KCNJ15: variants seen among roughly 807,000 people sequenced by gnomAD.
KCNJ15 encodes ATP-sensitive inward rectifier potassium channel 15.
A neutral mutation model predicts 23.0 loss-of-function variants in KCNJ15; 14 were observed. The ratio of observed to expected loss-of-function variants is 0.61; its 90% CI spans 0.40 to 0.95. The LOEUF is 0.95. KCNJ15 is among the 40% of genes least tolerant of loss of function. KCNJ15 has a pLI of 0.00. For synonymous variants in KCNJ15, 185 were observed against 183.2 expected, an observed-to-expected ratio of 1.01 and a Z score of -0.08; for missense variants, 388 against 461.8, an observed-to-expected ratio of 0.84 and a Z score of 1.46.
chr21:38,242,684 T>C, intron 1 of KCNJ15, among the ~76,000 whole-genome samples: 1 of 152,120 alleles, frequency 6.6e-6, no homozygotes, highest in African/African-American at 2.4e-5. Context: ...CTGTGCAACT[T>C]CTTGGCTGAC....
intron 1 of KCNJ15, among the ~76,000 whole-genome samples, chr21:38,279,810 G>A (rs552894511): frequency 4.6e-5 from 7 of 152,256 alleles, no homozygotes; most frequent in East Asian, 1.9e-4. Context: ...CAAGCATTTT[G>A]ATCTCTTTAA....
intron 1 of KCNJ15, among the ~76,000 whole-genome samples, chr21:38,251,511 A>G (rs1979831244): frequency 6.6e-6 from 1 of 152,218 alleles, no homozygotes; most frequent in East Asian, 1.9e-4. Flanking sequence ...GAGCCCCTAT[A>G]GAGAGAGGCG....
At chr21:38,260,690 C>T (rs190170045) in intron 1 of KCNJ15, among the ~76,000 whole-genome samples, 164 of 152,280 alleles carry the variant, frequency 1.1e-3, no homozygotes, top group African/African-American at 3.5e-3. Flanking sequence ...GTACAAAACA[C>T]GCATGTGCCA....
At chr21:38,242,629 C>T (rs1013376938) in intron 1 of KCNJ15, among the ~76,000 whole-genome samples, 7 of 152,156 alleles carry the variant, frequency 4.6e-5, no homozygotes, top group African/African-American at 1.2e-4. Flanking sequence ...TCCTGACACA[C>T]GCCCAGCATC....
intron 1 of KCNJ15, among the ~76,000 whole-genome samples, chr21:38,273,468 T>C (rs998494805): frequency 6.6e-6 from 1 of 152,240 alleles, no homozygotes; most frequent in East Asian, 1.9e-4. Context: ...GTTCAGAAAG[T>C]CATTTTCCAA....
At chr21:38,251,178 A>G (rs913637744) in intron 1 of KCNJ15, among the ~76,000 whole-genome samples, 2 of 152,108 alleles carry the variant, frequency 1.3e-5, no homozygotes, top group African/African-American at 4.8e-5. Context: ...TTGCTTTTCT[A>G]TTTGCCAGCC....
In KCNJ15 at chr21:38,300,166, C is replaced by T. The variant is rs1985630672; in HGVS notation, c.905C>T (p.Pro302Leu). The T allele has an allele frequency of 6.2e-7, 1 of 1,614,156 alleles. No individual in the cohort carries two copies. Among genetic ancestry groups the T allele is most frequent in the Non-Finnish European group, 8.5e-7 (1 of 1,180,026 alleles). Residue 302 changes from proline to leucine, a missense_variant, in exon 3 of 3, where the codon CCA (proline) becomes CTA (leucine). Pro to Leu is a moderately conservative substitution (Grantham distance 98, BLOSUM62 -3). Coordinates refer to ENST00000398938, the MANE Select transcript of KCNJ15 (RefSeq NM_170736.3). Reference protein sequence around the residue: ...AVCQSRTSYIPEEIYWGFEFV... With the variant: ...AVCQSRTSYILEEIYWGFEFV... ...TGCCAGAGCCGAACATCTTATATCC[C>T]AGAGGAAATCTACTGGGGTTTTGAG...
intron 1 of KCNJ15, among the ~76,000 whole-genome samples, chr21:38,245,125 G>T (rs1043387814): frequency 6.6e-6 from 1 of 151,926 alleles, no homozygotes; most frequent in African/African-American, 2.4e-5. Flanking sequence ...ACAGAAGGAA[G>T]TCAGAGAGAG....
At position 38,304,635 on chromosome 21, in the gene KCNJ15, C is replaced by G. The variant is rs1022533561; in HGVS notation, c.*4246C>G. On this transcript the variant is annotated 3_prime_UTR_variant, in exon 3 of 3. Coordinates refer to ENST00000398938, the MANE Select transcript of KCNJ15 (RefSeq NM_170736.3). ...ACTTCTAAATGGTTAACTGCATACA[C>G]TTTACCCTTTGTAAACTTCAATTTA... The G allele has an allele frequency of 1.9e-4, 26 of 136,230 alleles. No homozygotes were observed. Among genetic ancestry groups the G allele is most frequent in the African/African-American group, 6.5e-4 (25 of 38,304 alleles). The allele number at this position is 136,230 out of a possible 1,614,324, so 8.4% of individuals were successfully genotyped here. A position where few individuals can be genotyped will look rare whatever the true frequency, so the allele number is the denominator to read the frequency against.
rs1455441933 is a variant in KCNJ15 at position 38,303,125 on chromosome 21, G to C, written c.*2736G>C. The C allele has an allele frequency of 6.6e-6, 1 of 151,928 alleles. No individual in the cohort carries two copies. The highest frequency in any genetic ancestry group is 1.5e-5 in the Non-Finnish European group (1 of 67,996). 9.4% of individuals were successfully genotyped at this position (151,928 alleles called of 1,614,324 possible). On this transcript the variant is annotated 3_prime_UTR_variant, in exon 3 of 3. Coordinates refer to ENST00000398938, the MANE Select transcript of KCNJ15 (RefSeq NM_170736.3). ...AATAAATAGCTCTGAAGTTGTATCT[G>C]ATTTGAAACTTACCATTTTCCTGGA...
At chr21:38,292,479 T>C (rs148934315) in intron 1 of KCNJ15, among the ~76,000 whole-genome samples, 55 of 152,284 alleles carry the variant, frequency 3.6e-4, no homozygotes, top group Admixed American at 3.6e-3. Flanking sequence ...CCCTTACAAC[T>C]TTCCCTAAAA....
chr21:38,269,312 CT>C (rs1021656883), intron 1 of KCNJ15, among the ~76,000 whole-genome samples: 2 of 151,500 alleles, frequency 1.3e-5, no homozygotes, highest in Non-Finnish European at 3.0e-5. Flanking sequence ...AACTTTCAAG[CT>C]TTTTTTTTAA....
At chr21:38,290,786 A>G (rs1300462908) in intron 1 of KCNJ15, among the ~76,000 whole-genome samples, 1 of 152,166 alleles carries the variant, frequency 6.6e-6, no homozygotes, top group Non-Finnish European at 1.5e-5. Context: ...ACTCATCTCA[A>G]CATAGAGTGT....
intron 1 of KCNJ15, among the ~76,000 whole-genome samples, chr21:38,295,582 G>T (rs1484806254): frequency 1.3e-5 from 2 of 151,982 alleles, no homozygotes; most frequent in Non-Finnish European, 2.9e-5. Flanking sequence ...TAAGATAGGG[G>T]AAATTAGAAG....
In KCNJ15 at chr21:38,302,049, TGCACACAC is replaced by T. The variant is rs907763608; in HGVS notation, c.*1663_*1670del. 1 of 125,152 alleles carries T rather than the reference TGCACACAC, an allele frequency of 8.0e-6. No individual in the cohort carries two copies. The highest frequency in any genetic ancestry group is 5.3e-5 in the African/African-American group (1 of 18,732). The allele number at this position is 125,152 out of a possible 1,614,324, so 7.8% of individuals were successfully genotyped here. A position where few individuals can be genotyped will look rare whatever the true frequency, so the allele number is the denominator to read the frequency against. On this transcript the variant is annotated 3_prime_UTR_variant, in exon 3 of 3. Coordinates refer to ENST00000398938, the MANE Select transcript of KCNJ15 (RefSeq NM_170736.3). ...ACGCACACGTAAACACATGCACACA[TGCACACAC>T]GCGCACACATGCACACACGCACACA...
At chr21:38,262,430 T>G in intron 1 of KCNJ15, among the ~76,000 whole-genome samples, 1 of 152,154 alleles carries the variant, frequency 6.6e-6, no homozygotes, top group East Asian at 1.9e-4. Context: ...AACATACAAG[T>G]GACAAAAGCA....
intron 1 of KCNJ15, among the ~76,000 whole-genome samples, chr21:38,240,840 G>C (rs1978946657): frequency 6.6e-6 from 1 of 152,194 alleles, no homozygotes; most frequent in Admixed American, 6.5e-5. Flanking sequence ...CATTTAGTCT[G>C]TCTTCCTGGA....
At chr21:38,263,424 G>C (rs566916555) in intron 1 of KCNJ15, among the ~76,000 whole-genome samples, 1 of 152,254 alleles carries the variant, frequency 6.6e-6, no homozygotes, top group South Asian at 2.1e-4. Flanking sequence ...AAGAAGGTCT[G>C]CACTCAAATA....
At chr21:38,236,049 C>T (rs1208270681) in intron 1 of KCNJ15, among the ~76,000 whole-genome samples, 4 of 152,274 alleles carry the variant, frequency 2.6e-5, no homozygotes, top group Admixed American at 2.6e-4. Flanking sequence ...ACTTTTTATT[C>T]ATGCATTTCT....
Sources: gnomAD v4.1 joint callset for allele counts (sites outside exome capture counted in the v4.1 genomes callset) on GRCh38, gnomAD v4.1.1 for gene constraint, MANE v1.5 for transcripts, NCBI Gene and HGNC (gene_info 2026-07-23, HGNC 2026-07-21) for gene names.